ABTB2: variants seen among roughly 807,000 people sequenced by gnomAD.
ABTB2 encodes the protein ankyrin repeat and BTB/POZ domain-containing protein 2.
A neutral mutation model predicts 104.1 loss-of-function variants in ABTB2; 56 were observed. That is an observed-to-expected ratio of 0.54 (90% CI 0.43 to 0.67). ABTB2 has a LOEUF of 0.67. ABTB2 is among the 30% of genes least tolerant of loss of function. The pLI, the probability that ABTB2 is intolerant of heterozygous loss-of-function variation, is 0.00. For synonymous variants in ABTB2, 606 were observed against 608.2 expected, an observed-to-expected ratio of 1.00 and a Z score of 0.05; for missense variants, 1,279 against 1,407.7, an observed-to-expected ratio of 0.91 and a Z score of 1.46.
chr11:34,352,783 T>G (rs376141860), intron 1 of ABTB2, among the ~76,000 whole-genome samples: 2 of 152,332 alleles, frequency 1.3e-5, no homozygotes, highest in African/African-American at 4.8e-5. Flanking sequence ...TGGCCAGGCA[T>G]GATGGGTCAT....
chr11:34,310,791 C>G (rs547879721), intron 1 of ABTB2, among the ~76,000 whole-genome samples: 6 of 152,128 alleles, frequency 3.9e-5, no homozygotes, highest in Non-Finnish European at 2.9e-5. Flanking sequence ...CTTTAATGTG[C>G]GTCTCCTTCA....
intron 3 of ABTB2, among the ~76,000 whole-genome samples, chr11:34,182,713 A>G (rs1379433030): frequency 6.6e-6 from 1 of 152,014 alleles, no homozygotes; most frequent in Non-Finnish European, 1.5e-5. Context: ...TGGGAGGTCC[A>G]CCGTGTGACA....
At chr11:34,181,079 A>G (rs779644850) in intron 3 of ABTB2, among the ~76,000 whole-genome samples, 7 of 151,910 alleles carry the variant, frequency 4.6e-5, no homozygotes, top group Non-Finnish European at 5.9e-5. Flanking sequence ...AAATTTTTGT[A>G]TTTTTAGTAG....
chr11:34,152,267 G>A lies in ABTB2; in HGVS notation c.*120C>T. ...CTGCCCGGTGACAGGGGGGACATCT[G>A]GGGGAGGAGGAGGAAACAGCCCCGT... On this transcript the variant is annotated 3_prime_UTR_variant, in exon 17 of 17. Transcript: ENST00000435224. 8.9e-7 allele frequency: 1 copy of A among 1,118,602 alleles called. No homozygotes were observed. Among genetic ancestry groups the A allele is most frequent in the Non-Finnish European group, 1.3e-6 (1 of 797,364 alleles). The allele number at this position is 1,118,602 out of a possible 1,614,324, so 69.3% of individuals were successfully genotyped here.
chr11:34,228,679 T>C (rs186964271), intron 1 of ABTB2, among the ~76,000 whole-genome samples: 2 of 152,188 alleles, frequency 1.3e-5, no homozygotes, highest in East Asian at 3.9e-4. Flanking sequence ...ACCCAGCCTA[T>C]GTTTGATTTT....
intron 2 of ABTB2, among the ~76,000 whole-genome samples, chr11:34,202,863 T>C (rs933569818): frequency 2.7e-4 from 36 of 134,092 alleles, no homozygotes. Context: ...ACAAAACAAA[T>C]GGTCAGCTTG....
At chr11:34,175,514 T>C (rs1477919888) in intron 3 of ABTB2, among the ~76,000 whole-genome samples, 1 of 152,246 alleles carries the variant, frequency 6.6e-6, no homozygotes, top group Non-Finnish European at 1.5e-5. Flanking sequence ...TAGTTTCTAC[T>C]AAATGCATAT....
chr11:34,273,085 CT>C (rs530734967), intron 1 of ABTB2, among the ~76,000 whole-genome samples: 38 of 152,070 alleles, frequency 2.5e-4, no homozygotes, highest in African/African-American at 8.9e-4. Flanking sequence ...TGATTTTTAG[CT>C]TTTTTTAAAT....
intron 1 of ABTB2, among the ~76,000 whole-genome samples, chr11:34,227,273 CAA>C (rs1348173491): frequency 1.2e-5 from 1 of 80,350 alleles, no homozygotes. Flanking sequence ...GACTCCATCT[CAA>C]AAAAAAAAAA....
intron 1 of ABTB2, among the ~76,000 whole-genome samples, chr11:34,341,637 T>G (rs141531135): frequency 1.5e-4 from 23 of 152,268 alleles, no homozygotes; most frequent in African/African-American, 5.5e-4. Context: ...TGAATACATT[T>G]AAATATACAC....
Position 34,167,008 on chromosome 11 carries a change from A to G in ABTB2, c.1755+251T>C, listed in dbSNP as rs537123962. Among the ~76,000 whole-genome samples the G allele has an allele frequency of 1.2e-4, 18 of 152,368 alleles. No individual in the cohort carries two copies. In the East Asian group the frequency reaches 1.7e-3, roughly 15 times the overall value. On this transcript the variant is annotated intron_variant, in intron 7 of 16. Coordinates refer to ENST00000435224, the MANE Select transcript of ABTB2 (RefSeq NM_145804.3). ...AGAGAGAGAGAGATGCCGGGAGGGC[A>G]TGACAGGACCCTAGTGCTGCCTGGA...
chr11:34,168,087 C>T, intron 5 of ABTB2, 95 bp from the exon 6 acceptor site: 1 of 1,234,810 alleles, frequency 8.1e-7, no homozygotes. Flanking sequence ...AGATCGGGCA[C>T]CCCGCCACCC....
At chr11:34,160,662 C>T (rs1237228999) in intron 11 of ABTB2, among the ~76,000 whole-genome samples, 10 of 81,340 alleles carry the variant, frequency 1.2e-4, no homozygotes, top group South Asian at 9.6e-4. Context: ...AGCGTGCACG[C>T]GCGCGCGTGT....
intron 1 of ABTB2, among the ~76,000 whole-genome samples, chr11:34,304,528 A>G (rs1214726453): frequency 4.6e-5 from 7 of 152,234 alleles, no homozygotes; most frequent in Admixed American, 4.6e-4. Context: ...ACAGATGAAA[A>G]CAGACACAGA....
At chr11:34,254,138 C>A (rs1854090496) in intron 1 of ABTB2, among the ~76,000 whole-genome samples, 1 of 152,220 alleles carries the variant, frequency 6.6e-6, no homozygotes. Flanking sequence ...TAAATCCTCA[C>A]AACAACACCA....
chr11:34,291,491 GTTTATT>G (rs1305169956), intron 1 of ABTB2, among the ~76,000 whole-genome samples: 4 of 152,146 alleles, frequency 2.6e-5, no homozygotes, highest in African/African-American at 7.2e-5. Flanking sequence ...TAACTGATAA[GTTTATT>G]TTTATTTTTA....
At chr11:34,297,782 A>T (rs764865220) in intron 1 of ABTB2, among the ~76,000 whole-genome samples, 1,148 of 83,702 alleles carry the variant, frequency 0.014, 49 homozygotes, top group Non-Finnish European at 0.02. Flanking sequence ...AAAAAAAAAA[A>T]AATAAAAATA....
intron 1 of ABTB2, among the ~76,000 whole-genome samples, chr11:34,330,044 G>A (rs986395353): frequency 1.3e-5 from 2 of 152,212 alleles, no homozygotes; most frequent in Non-Finnish European, 2.9e-5. Flanking sequence ...AAGTGCCAGG[G>A]ACTTCACTTG....
chr11:34,172,451 T>TAGATAGATAGATAGAC (rs1852895703), intron 4 of ABTB2, among the ~76,000 whole-genome samples: 2 of 113,508 alleles, frequency 1.8e-5, no homozygotes, highest in African/African-American at 7.2e-5. Context: ...GATAGATAGA[T>TAGATAGATAGATAGAC]AGATAGATAG....
Sources: gnomAD v4.1 joint callset for allele counts (sites outside exome capture counted in the v4.1 genomes callset) on GRCh38, gnomAD v4.1.1 for gene constraint, MANE v1.5 for transcripts, NCBI Gene and HGNC (gene_info 2026-07-23, HGNC 2026-07-21) for gene names.